The following HDAC4 variants were observed in gnomAD, a reference collection of about 807,000 sequenced individuals.
HDAC4 encodes histone deacetylase A.
HDAC4 carries 16 observed loss-of-function variants against 135.1 expected under a neutral mutation model. The observed-to-expected ratio is 0.12, with a 90% CI of 0.08 to 0.18. The LOEUF (loss-of-function observed/expected upper bound fraction) is 0.18. Ranked by LOEUF, HDAC4 falls within the 10% of genes least tolerant of loss-of-function variation. The pLI, the probability that HDAC4 is intolerant of heterozygous loss-of-function variation, is 1.00. For missense variants in HDAC4, 1,143 were observed against 1,511.8 expected (o/e 0.76, Z 4.05); for synonymous variants, 685 against 653.4 (o/e 1.05, Z -0.74).
chr2:239,298,474 T>G (rs1255888475), intron 2 of HDAC4: 5 of 1,132,078 alleles, frequency 4.4e-6, no homozygotes, highest in Non-Finnish European at 5.5e-6. Context: ...ACCCCAGCTA[T>G]TACAATCACA....
chr2:239,055,716 CAA>C lies in HDAC4; in HGVS notation c.3004-885_3004-884del, dbSNP rs201658364. On this transcript the variant is annotated intron_variant, in intron 24 of 26. Transcript: ENST00000543185. ...TGGGCAACAGAGTGAGACCCTGTCT[CAA>C]AAAAAAAAAAAAAAAGGTTGAAATG... is the stretch of plus-strand genomic sequence containing the variant. 4.8e-3 allele frequency among the ~76,000 whole-genome samples: 343 copies of C among 71,012 alleles called. 2 individuals carry two copies. The highest frequency in any genetic ancestry group is 0.013 in the African/African-American group (291 of 21,714). 46.6% of individuals were successfully genotyped at this position (71,012 alleles called of 152,430 possible).
Position 239,156,643 on chromosome 2 carries a change from G to C in HDAC4, c.733+9C>G. On this transcript the variant is annotated intron_variant, in intron 7 of 26. Transcript: ENST00000543185. The stretch of plus-strand genomic sequence containing the variant: ...GACCTCCCGGCCCACAGCATGCCTG[G>C]GCACTGACCTGTTTTCCTAAGAGGG... 1 of 1,614,066 alleles carries C rather than the reference G, an allele frequency of 6.2e-7. No homozygotes were observed. The highest frequency in any genetic ancestry group is 8.5e-7 in the Non-Finnish European group (1 of 1,179,978).
chr2:239,348,130 ACACGTCCCAGCAAATC>A (rs1692848888), intron 2 of HDAC4, among the ~76,000 whole-genome samples: 1 of 151,528 alleles, frequency 6.6e-6, no homozygotes, highest in Non-Finnish European at 1.5e-5. Flanking sequence ...GTGACCACAG[ACACGTCCCAGCAAATC>A]CACGTCCCAG....
At chr2:239,269,017 A>G (rs1032612967) in intron 2 of HDAC4, among the ~76,000 whole-genome samples, 1 of 152,206 alleles carries the variant, frequency 6.6e-6, no homozygotes. Context: ...GCTTGATTCT[A>G]GGAGCTACCA....
At chr2:239,101,943 C>T (rs1418259775) in intron 16 of HDAC4, among the ~76,000 whole-genome samples, 1 of 150,038 alleles carries the variant, frequency 6.7e-6, no homozygotes, top group Non-Finnish European at 1.5e-5. Context: ...GCCCTGGACG[C>T]TCCCCGCCCA....
chr2:239,111,707 G>C lies in HDAC4; in HGVS notation c.1797C>G (p.Ala599=), dbSNP rs1199836888. The change falls in exon 14 of 27, where the codon GCC becomes GCG. Residue 599 remains alanine, a synonymous_variant. Coordinates refer to ENST00000543185, the MANE Select transcript of HDAC4 (RefSeq NM_001378414.1). The part of the protein sequence containing the change: ...SEQELLFRQQ[A]LLLEQQRIHQ... ...GGATCCGCTGCTGCTCCAGCAGGAG[G>C]GCTTGCTGCGGGGAAGAAACGGCCG... 6.3e-7 allele frequency: 1 copy of C among 1,595,732 alleles called. No individual in the cohort carries two copies. Among genetic ancestry groups the C allele is most frequent in the Admixed American group, 1.7e-5 (1 of 57,748 alleles).
chr2:239,202,451 C>T (rs1271799610), intron 3 of HDAC4, among the ~76,000 whole-genome samples: 1 of 152,116 alleles, frequency 6.6e-6, no homozygotes, highest in Non-Finnish European at 1.5e-5. Flanking sequence ...TGAGTTCAGA[C>T]CCAGCGGGGT....
chr2:239,297,513 C>T (rs1283386727), intron 2 of HDAC4, among the ~76,000 whole-genome samples: 2 of 152,220 alleles, frequency 1.3e-5, no homozygotes, highest in Admixed American at 6.5e-5. Context: ...CCTGGCTGCC[C>T]GGCTATGAGC....
Position 239,087,942 on chromosome 2 carries a change from A to G in HDAC4, c.2389-328T>C, listed in dbSNP as rs184118702. On this transcript the variant is annotated intron_variant, in intron 18 of 26. Transcript: ENST00000543185. ...GCTCAGGGGTCGGGGTGATGTGGAA[A>G]GGATGTGCTCACTCCCCGTCGGCTC... Among the ~76,000 whole-genome samples, 912 of 152,288 alleles carry G rather than the reference A, an allele frequency of 6.0e-3. 14 individuals carry two copies. Among genetic ancestry groups the G allele is most frequent in the African/African-American group, 0.021 (871 of 41,568 alleles).
intron 2 of HDAC4, among the ~76,000 whole-genome samples, chr2:239,346,687 C>G (rs978327333): frequency 1.3e-5 from 2 of 150,614 alleles, no homozygotes; most frequent in Admixed American, 6.6e-5. Flanking sequence ...CACACACTGT[C>G]TAAAACACAC....
chr2:239,277,883 A>G (rs913170590), intron 2 of HDAC4, among the ~76,000 whole-genome samples: 1 of 152,078 alleles, frequency 6.6e-6, no homozygotes, highest in South Asian at 2.1e-4. Flanking sequence ...TCCGCTCAGC[A>G]GGCCCCAGTC....
chr2:239,398,135 G>A (rs997835439), intron 1 of HDAC4, among the ~76,000 whole-genome samples: 5 of 152,300 alleles, frequency 3.3e-5, no homozygotes, highest in Admixed American at 1.3e-4. Flanking sequence ...CTGTCGCCCC[G>A]CTGCCTCTCA....
chr2:239,398,499 G>C (rs1696716109), intron 1 of HDAC4, among the ~76,000 whole-genome samples: 1 of 152,214 alleles, frequency 6.6e-6, no homozygotes, highest in Non-Finnish European at 1.5e-5. Flanking sequence ...ACCCCACAAT[G>C]TGTGGAAACT....
chr2:239,216,988 T>A (rs2046678384), intron 3 of HDAC4, among the ~76,000 whole-genome samples: 1 of 152,202 alleles, frequency 6.6e-6, no homozygotes, highest in Admixed American at 6.5e-5. Context: ...TTCACGCCAC[T>A]TTCCCTTCCC....
chr2:239,265,500 G>T (rs1306049795), intron 2 of HDAC4, among the ~76,000 whole-genome samples: 1 of 152,234 alleles, frequency 6.6e-6, no homozygotes, highest in Non-Finnish European at 1.5e-5. Flanking sequence ...TGCTTTCTGG[G>T]CACTGCATGT....
intron 16 of HDAC4, among the ~76,000 whole-genome samples, chr2:239,097,016 A>G (rs913261700): frequency 6.6e-6 from 1 of 152,126 alleles, no homozygotes; most frequent in Non-Finnish European, 1.5e-5. Flanking sequence ...CAGGCCCCCC[A>G]GGCAAAGGGA....
At chr2:239,300,759 G>A (rs2052204572) in intron 2 of HDAC4, among the ~76,000 whole-genome samples, 1 of 152,246 alleles carries the variant, frequency 6.6e-6, no homozygotes, top group African/African-American at 2.4e-5. Flanking sequence ...GGTTCTTACA[G>A]AATTTTTCCG....
At chr2:239,291,373 T>C (rs1488461851) in intron 2 of HDAC4, among the ~76,000 whole-genome samples, 1 of 152,214 alleles carries the variant, frequency 6.6e-6, no homozygotes, top group Non-Finnish European at 1.5e-5. Flanking sequence ...GGTGTTTGTT[T>C]ACATGGCCTG....
chr2:239,395,736 C>T (rs571433412), intron 1 of HDAC4, among the ~76,000 whole-genome samples: 125 of 152,292 alleles, frequency 8.2e-4, no homozygotes, highest in Middle Eastern at 3.4e-3. Flanking sequence ...CCTGTCTACA[C>T]ATGGAGGATG....
Sources: allele counts gnomAD v4.1 joint callset (sites outside exome capture counted in the v4.1 genomes callset), GRCh38; gene constraint gnomAD v4.1.1; transcripts MANE v1.5; gene names NCBI Gene and HGNC (gene_info 2026-07-23, HGNC 2026-07-21).